Variants in ADGRD1 observed in about 807,000 individuals in gnomAD.
ADGRD1 encodes adhesion G protein-coupled receptor D1.
ADGRD1 carries 77 observed loss-of-function variants against 113.4 expected under a neutral mutation model. The ratio of observed to expected loss-of-function variants is 0.68; its 90% CI spans 0.57 to 0.82. The LOEUF (loss-of-function observed/expected upper bound fraction) is 0.82. Among genes scored for constraint, ADGRD1 ranks in the 40% least tolerant of loss-of-function variants. The probability of loss-of-function intolerance (pLI) is 0.00; values close to 1 mark genes in which losing one functional copy is unlikely to be tolerated. For synonymous variants in ADGRD1, 474 were observed against 475.0 expected (o/e 1.00, Z 0.03); for missense variants, 1,036 against 1,139.1 (o/e 0.91, Z 1.30).
At position 131,072,023 on chromosome 12, in the gene ADGRD1, C is replaced by T. The variant is rs183238476; in HGVS notation, c.1474-4778C>T. Among the ~76,000 whole-genome samples the T allele has an allele frequency of 3.1e-3, 462 of 150,572 alleles. 1 individual carries two copies. The highest frequency in any genetic ancestry group is 5.1e-3 in the Non-Finnish European group (344 of 67,648). On this transcript the variant is annotated intron_variant, in intron 13 of 24. Coordinates refer to ENST00000261654, the MANE Select transcript of ADGRD1 (RefSeq NM_198827.5). Reference sequence around the variant, plus strand: ...TGTGAAAACACTTTCTGTTCAGTTTCGGGGCAAGCTGCCCTAACTCCAGAT... The same window carrying T: ...TGTGAAAACACTTTCTGTTCAGTTTTGGGGCAAGCTGCCCTAACTCCAGAT...
chr12:130,977,430 C>T (rs749138721), intron 4 of ADGRD1: 1 of 152,308 alleles, frequency 6.6e-6, no homozygotes, highest in Non-Finnish European at 1.5e-5. Context: ...CGAGTGTCTC[C>T]TCCTGGCCAC....
chr12:130,999,943 C>G (rs1876128608), intron 8 of ADGRD1, among the ~76,000 whole-genome samples: 1 of 152,228 alleles, frequency 6.6e-6, no homozygotes, highest in Non-Finnish European at 1.5e-5. Context: ...GCCTGAGTAG[C>G]TTCTGCTTTC....
In ADGRD1 at chr12:131,018,058, G is replaced by A. The variant is rs146255220; in HGVS notation, c.1473+3718G>A. 3.3e-3 allele frequency among the ~76,000 whole-genome samples: 498 copies of A among 152,304 alleles called. 2 individuals are homozygous for A. Among genetic ancestry groups the A allele is most frequent in the African/African-American group, 7.5e-3 (313 of 41,568 alleles). On this transcript the variant is annotated intron_variant, in intron 13 of 24. Coordinates refer to ENST00000261654, the MANE Select transcript of ADGRD1 (RefSeq NM_198827.5). ...ACCCACATCCCATCCTTGCAGGGCC[G>A]GCAGGTAGGAGCTCTGGAATTTGGA...
chr12:131,006,084 G>A (rs117921758), intron 12 of ADGRD1, 37 bp downstream of exon 12: 21,920 of 1,577,912 alleles, frequency 0.014, 192 homozygotes, highest in Non-Finnish European at 0.017. Flanking sequence ...GGGCGTGGGT[G>A]TGCGTGGGTT....
intron 2 of ADGRD1, among the ~76,000 whole-genome samples, chr12:130,964,085 T>C (rs950099042): frequency 6.6e-6 from 1 of 152,198 alleles, no homozygotes; most frequent in African/African-American, 2.4e-5. Context: ...AACTATTTGA[T>C]TATCTCCTTT....
chr12:131,040,900 G>C (rs1451136436), intron 13 of ADGRD1, among the ~76,000 whole-genome samples: 1 of 152,216 alleles, frequency 6.6e-6, no homozygotes, highest in African/African-American at 2.4e-5. Flanking sequence ...TACATCAGAC[G>C]ATTCTTACCT....
At chr12:131,010,763 G>C (rs1566026452) in intron 12 of ADGRD1, among the ~76,000 whole-genome samples, 1 of 152,134 alleles carries the variant, frequency 6.6e-6, no homozygotes, top group Admixed American at 6.5e-5. Flanking sequence ...GGAGAGCTCT[G>C]GGGGACAGCA....
At chr12:131,120,601 C>T (rs1369222223) in intron 19 of ADGRD1, 1 of 592,472 alleles carries the variant, frequency 1.7e-6, no homozygotes. Flanking sequence ...GAAATCTATT[C>T]TGGATTTTGG....
At chr12:131,046,670 C>T (rs1156567604) in intron 13 of ADGRD1, among the ~76,000 whole-genome samples, 1 of 143,322 alleles carries the variant, frequency 7.0e-6, no homozygotes, top group African/African-American at 2.7e-5. Context: ...AGTGTCCTCC[C>T]TGGTCAGTGC....
At chr12:130,972,567 T>G (rs528750087) in intron 4 of ADGRD1, among the ~76,000 whole-genome samples, 3 of 152,242 alleles carry the variant, frequency 2.0e-5, no homozygotes, top group Admixed American at 2.0e-4. Flanking sequence ...TAGTTTATGC[T>G]GTTCCTGAGT....
chr12:130,954,683 C>G lies in ADGRD1; in HGVS notation c.103+23C>G, dbSNP rs771711820. The stretch of plus-strand genomic sequence containing the variant: ...CAGGTAAGAGTGTTTCCTTCTCACT[C>G]TGAGCACCGCTCTCCCCCTGCCTAG... On this transcript the variant is annotated intron_variant, in intron 2 of 24. Coordinates refer to ENST00000261654, the MANE Select transcript of ADGRD1 (RefSeq NM_198827.5). The surrounding 1 kb of genome is among the most constrained non-coding windows in gnomAD (Gnocchi z 4.7). The G allele has an allele frequency of 6.2e-7, 1 of 1,607,978 alleles. No individual in the cohort carries two copies. The highest frequency in any genetic ancestry group is 8.5e-7 in the Non-Finnish European group (1 of 1,175,880).
chr12:131,011,877 C>T (rs911747861), intron 12 of ADGRD1, among the ~76,000 whole-genome samples: 3 of 152,338 alleles, frequency 2.0e-5, no homozygotes, highest in East Asian at 1.9e-4. Flanking sequence ...ACACACCACA[C>T]GTCTTAGGGC....
intron 4 of ADGRD1, among the ~76,000 whole-genome samples, chr12:130,975,305 C>T (rs1453676652): frequency 6.6e-6 from 1 of 152,194 alleles, no homozygotes; most frequent in Non-Finnish European, 1.5e-5. Context: ...CGACGATGGC[C>T]TGTCACTTCC....
intron 13 of ADGRD1, among the ~76,000 whole-genome samples, chr12:131,038,711 G>A (rs549341955): frequency 3.9e-5 from 6 of 152,320 alleles, no homozygotes; most frequent in East Asian, 1.9e-4. Context: ...GAGCACAGCC[G>A]GGGTGCAGGT....
Position 131,138,244 on chromosome 12 carries a change from C to T in ADGRD1, c.2529+15C>T. On this transcript the variant is annotated intron_variant, in intron 24 of 24. Transcript: ENST00000261654. ...ACTCGGACCTCGTGAGTGCAGCCTC[C>T]ATAAACCGAGGGTCCCAGCCCATCC... 1 of 1,608,344 alleles carries T rather than the reference C, an allele frequency of 6.2e-7. No homozygotes were observed. The highest frequency in any genetic ancestry group is 8.5e-7 in the Non-Finnish European group (1 of 1,175,722).
intron 18 of ADGRD1, among the ~76,000 whole-genome samples, chr12:131,112,308 G>A (rs1308466829): frequency 6.6e-6 from 1 of 152,130 alleles, no homozygotes; most frequent in African/African-American, 2.4e-5. Context: ...GACACCATCT[G>A]TTAGGTTCCA....
intron 13 of ADGRD1, among the ~76,000 whole-genome samples, chr12:131,045,937 G>A (rs1033163167): frequency 3.3e-5 from 5 of 150,298 alleles, no homozygotes; most frequent in Non-Finnish European, 5.9e-5. Context: ...TGGTGCTCCC[G>A]CCCTGGTTGG....
At chr12:131,117,600 C>T (rs1442874324) in intron 18 of ADGRD1, among the ~76,000 whole-genome samples, 3 of 152,164 alleles carry the variant, frequency 2.0e-5, no homozygotes, top group Non-Finnish European at 4.4e-5. Flanking sequence ...GCCAGGGTCA[C>T]ATGCCCATCT....
At chr12:131,083,067 G>A (rs1593181709) in intron 14 of ADGRD1, among the ~76,000 whole-genome samples, 2 of 152,206 alleles carry the variant, frequency 1.3e-5, no homozygotes, top group East Asian at 3.9e-4. Context: ...GTACAAGCTG[G>A]GGTCTTCATC....
Sources: allele counts gnomAD v4.1 joint callset (sites outside exome capture counted in the v4.1 genomes callset), GRCh38; gene constraint gnomAD v4.1.1; non-coding constraint Gnocchi (gnomAD v3.1); transcripts MANE v1.5; gene names NCBI Gene and HGNC (gene_info 2026-07-23, HGNC 2026-07-21).